The following KIF17 variants were observed in gnomAD, a reference collection of about 807,000 sequenced individuals.
The protein encoded by KIF17 is kinesin family member 17.
Under a neutral mutation model 96.8 loss-of-function variants are expected in KIF17, and 80 were observed. That is an observed-to-expected ratio of 0.83 (90% CI 0.69 to 1.00). The LOEUF is 1.00. KIF17 is among the 50% of genes least tolerant of loss of function. The pLI is 0.00. For missense variants in KIF17, 1,280 were observed against 1,372.9 expected, an observed-to-expected ratio of 0.93 and a Z score of 1.07; for synonymous variants, 567 against 587.5, an observed-to-expected ratio of 0.97 and a Z score of 0.51.
In KIF17 at chr1:20,709,590, G is replaced by A; in HGVS notation, c.670+49C>T. On this transcript the variant is annotated intron_variant, in intron 4 of 14. Transcript: ENST00000400463. This position sits in a 1 kb window ranked among gnomAD's most constrained non-coding sequence, Gnocchi z 4.7. The stretch of plus-strand genomic sequence containing the variant: ...AGAGGTGGCGTGCCTTGGCTAGTGG[G>A]AGTGGCTGGGTCATCTGTCCCCCTG... The A allele has an allele frequency of 6.2e-7, 1 of 1,602,674 alleles. No individual in the cohort carries two copies. Among genetic ancestry groups the A allele is most frequent in the Non-Finnish European group, 8.5e-7 (1 of 1,170,962 alleles).
At chr1:20,662,792 C>G (rs930791854), downstream of KIF17, among the ~76,000 whole-genome samples, 1 of 152,240 alleles carries the variant, frequency 6.6e-6, no homozygotes, top group African/African-American at 2.4e-5. Context: ...TTCCACACCT[C>G]CTGCCTTTTG....
At position 20,682,603 on chromosome 1, in the gene KIF17, C is replaced by T. The variant is rs1157637428; in HGVS notation, c.2463+50G>A. 3.2e-6 allele frequency: 5 copies of T among 1,550,642 alleles called. No homozygotes were observed. In the East Asian group the frequency reaches 1.1e-4, roughly 35 times the overall value. On this transcript the variant is annotated intron_variant, in intron 11 of 14. Transcript: ENST00000400463. ...TGTAGGGATGCCTGGATCGGGGGGT[C>T]TCACCCATCTCTGGGCAGCTGGGCA...
rs1372140002 is a variant in KIF17, at chr1:20,672,507, CA to C, written c.2464-312del. Among the ~76,000 whole-genome samples the C allele has an allele frequency of 6.6e-6, 1 of 152,206 alleles. No homozygotes were observed. Among genetic ancestry groups the C allele is most frequent in the East Asian group, 1.9e-4 (1 of 5,196 alleles). Reference sequence around the variant, plus strand: ...GGGAAAAGTTGATCAGCAATCCCAACAGCCAGCCCCTCAGTCACTATCTCCC... The same window carrying C: ...GGGAAAAGTTGATCAGCAATCCCAACGCCAGCCCCTCAGTCACTATCTCCC... On this transcript the variant is annotated intron_variant, in intron 11 of 14. Coordinates refer to ENST00000400463, the MANE Select transcript of KIF17 (RefSeq NM_001122819.3). This position sits in a 1 kb window ranked among gnomAD's most constrained non-coding sequence, Gnocchi z 4.3.
chr1:20,704,961 C>T lies in KIF17; in HGVS notation c.671-62G>A, dbSNP rs1238798755. 3 of 1,468,924 alleles carry T rather than the reference C, an allele frequency of 2.0e-6. No homozygotes were observed. The African/African-American group carries it at 4.2e-5, about 20-fold the overall frequency. 91.0% of individuals were successfully genotyped at this position (1,468,924 alleles called of 1,614,324 possible). ...GTGAGCCCTATGTATCGAGGGCAAT[C>T]AGTGCCAGGCACTGGGTGCTCAATG... is the stretch of plus-strand genomic sequence containing the variant. On this transcript the variant is annotated intron_variant, in intron 4 of 14. Coordinates refer to ENST00000400463, the MANE Select transcript of KIF17 (RefSeq NM_001122819.3). The surrounding 1 kb of genome is among the most constrained non-coding windows in gnomAD (Gnocchi z 6.8).
At chr1:20,707,537 G>A (rs527864076) in intron 4 of KIF17, among the ~76,000 whole-genome samples, 10 of 152,234 alleles carry the variant, frequency 6.6e-5, no homozygotes, top group African/African-American at 2.4e-4. Flanking sequence ...CAGTTTGGGA[G>A]GCTGAGGTGG....
intron 6 of KIF17, chr1:20,694,049 T>A (rs1436203058): frequency 6.6e-6 from 1 of 152,128 alleles, no homozygotes; most frequent in Non-Finnish European, 1.5e-5. Context: ...ATTGTTGGTC[T>A]CCTTGGTCTC....
intron 13 of KIF17, among the ~76,000 whole-genome samples, chr1:20,668,158 A>C (rs1366111698): frequency 6.6e-6 from 1 of 151,648 alleles, no homozygotes; most frequent in Non-Finnish European, 1.5e-5. Flanking sequence ...AAAATACAAA[A>C]AATTAGCCGG....
Position 20,713,557 on chromosome 1 carries a change from T to G in KIF17, c.379-2A>C. ...CAGGAACTTAGTGTTCTCTGCACAC[T>G]GCAGGGAGTACACAGAAAGAACCTA... On this transcript the variant is annotated splice_acceptor_variant, in intron 2 of 14. Transcript: ENST00000400463. LOFTEE classifies it high-confidence loss of function. The G allele has an allele frequency of 2.5e-6, 4 of 1,608,892 alleles. No individual in the cohort carries two copies. The highest frequency in any genetic ancestry group is 3.4e-6 in the Non-Finnish European group (4 of 1,176,702).
chr1:20,702,863 T>C (rs1281543643), intron 5 of KIF17, among the ~76,000 whole-genome samples: 1 of 152,186 alleles, frequency 6.6e-6, no homozygotes, highest in Non-Finnish European at 1.5e-5. Flanking sequence ...TGATGGTCCA[T>C]TGGAGTGTCC....
In KIF17 at chr1:20,684,956, A is replaced by C. The variant is rs1239630847; in HGVS notation, c.2084T>G (p.Leu695Trp). The C allele has an allele frequency of 1.2e-6, 2 of 1,604,982 alleles. No homozygotes were observed. The highest frequency in any genetic ancestry group is 1.3e-5 in the African/African-American group (1 of 74,742). ...VVRTAEPGVW[L>W]EAQAPVALVA... ...CAGGGCCACCGGGGCCTGAGCCTCC[A>C]ACCACACGCCAGGCTCTGCTGTCCG... Residue 695 changes from leucine (L) to tryptophan (W), a missense_variant, in exon 10 of 15, where the codon TTG (leucine) becomes TGG (tryptophan). Transcript: ENST00000400463.
At position 20,685,450 on chromosome 1, in the gene KIF17, C is replaced by A. The variant is rs573008803; in HGVS notation, c.2020-430G>T. ...CATTGCTAAGAAAGTCAAGGTCTTT[C>A]CAGCCATAGGACCTTGGCACTTGCT... On this transcript the variant is annotated intron_variant, in intron 9 of 14. Coordinates refer to ENST00000400463, the MANE Select transcript of KIF17 (RefSeq NM_001122819.3). The surrounding 1 kb of genome is among the most constrained non-coding windows in gnomAD (Gnocchi z 4.1). 6.6e-6 allele frequency among the ~76,000 whole-genome samples: 1 copy of A among 152,210 alleles called. No homozygotes were observed. Among genetic ancestry groups the A allele is most frequent in the South Asian group, 2.1e-4 (1 of 4,822 alleles).
At position 20,689,994 on chromosome 1, in the gene KIF17, C is replaced by T. The variant is rs489334; in HGVS notation, c.1381+194G>A. ...AGCTGTGTGACCATGGGCAAGTTAC[C>T]TACCCTCTCTGTGCCTCAGTTTCCT... On this transcript the variant is annotated intron_variant, in intron 7 of 14. Transcript: ENST00000400463. Among the ~76,000 whole-genome samples the T allele has an allele frequency of 0.53, 80,104 of 152,082 alleles. 22,483 individuals are homozygous for T. The highest frequency in any genetic ancestry group is 0.78 in the East Asian group (4,038 of 5,156).
At chr1:20,715,386 G>C (rs981386445) in intron 2 of KIF17, 107 bp downstream of exon 2, 5 of 1,432,942 alleles carry the variant, frequency 3.5e-6, no homozygotes, top group South Asian at 2.3e-5. Context: ...TGATCTGCAC[G>C]GGTCAGGCCG....
intron 13 of KIF17, 58 bp from the exon 14 acceptor site, chr1:20,666,389 C>T: frequency 7.4e-7 from 1 of 1,356,630 alleles, no homozygotes; most frequent in Non-Finnish European, 1.1e-6. Flanking sequence ...TGGCACAGGG[C>T]TCCACAGCCT....
intron 8 of KIF17, among the ~76,000 whole-genome samples, chr1:20,686,534 G>C (rs1330562534): frequency 6.6e-6 from 1 of 152,102 alleles, no homozygotes; most frequent in African/African-American, 2.4e-5. Context: ...AAGGAAAGCA[G>C]AGAACAAAGA....
At chr1:20,688,028 GTTGTTTTTTTTGT>G (rs540666693) in intron 7 of KIF17, 84 bp from the exon 8 acceptor site, 68 of 1,155,680 alleles carry the variant, frequency 5.9e-5, no homozygotes, top group South Asian at 5.1e-4. Flanking sequence ...AGCCCAGTGT[GTTGTTTTTTTTGT>G]TTGTTTTTTT....
chr1:20,706,207 T>C (rs2054338344), intron 4 of KIF17, among the ~76,000 whole-genome samples: 1 of 150,818 alleles, frequency 6.6e-6, no homozygotes, highest in African/African-American at 2.4e-5. Context: ...TGCCCAGACT[T>C]GTTGATTTTT....
At chr1:20,696,550 G>A (rs2054142855) in intron 6 of KIF17, among the ~76,000 whole-genome samples, 1 of 151,844 alleles carries the variant, frequency 6.6e-6, no homozygotes, top group Admixed American at 6.6e-5. Context: ...CCCCATCCGT[G>A]GCACTCCAGG....
downstream of KIF17, among the ~76,000 whole-genome samples, chr1:20,662,862 ATCT>A (rs1459252072): frequency 6.6e-6 from 1 of 152,146 alleles, no homozygotes; most frequent in African/African-American, 2.4e-5. Context: ...ACCTCCTGGG[ATCT>A]TCTCCATCCT....
Sources: allele counts gnomAD v4.1 joint callset (sites outside exome capture counted in the v4.1 genomes callset), GRCh38; gene constraint gnomAD v4.1.1; non-coding constraint Gnocchi (gnomAD v3.1); transcripts MANE v1.5; gene names NCBI Gene and HGNC (gene_info 2026-07-23, HGNC 2026-07-21).